The following INSL6 variants were observed in gnomAD, a reference collection of about 807,000 sequenced individuals.
INSL6 encodes insulin-like peptide INSL6.
A neutral mutation model predicts 9.4 loss-of-function variants in INSL6; 16 were observed. The ratio of observed to expected loss-of-function variants is 1.70; its 90% confidence interval spans 1.15 to 2.59. The LOEUF is 2.59. Ranked by LOEUF, INSL6 falls within the 30% of genes most tolerant of loss-of-function variation. The probability of loss-of-function intolerance (pLI) is 0.00; values close to 1 mark genes in which losing one functional copy is unlikely to be tolerated. For missense variants in INSL6, 391 were observed against 257.3 expected (o/e 1.52, Z -3.56); for synonymous variants, 154 against 96.9 (o/e 1.59, Z -3.46).
the INSL6 span, chr9:5,070,142 T>C: frequency 1.2e-6 from 1 of 861,876 alleles, no homozygotes; most frequent in Non-Finnish European, 1.7e-6. Flanking sequence ...ATTGGAATTA[T>C]TTTGTTATAT....
chr9:5,049,295 A>C, the INSL6 span, among the ~76,000 whole-genome samples: 1 of 152,234 alleles, frequency 6.6e-6, no homozygotes, highest in Admixed American at 6.5e-5. Flanking sequence ...AGGTCATTCA[A>C]GGGTACCTGC....
At chr9:5,150,751 G>T (rs1824694654) in intron 2 of INSL6, among the ~76,000 whole-genome samples, 1 of 151,840 alleles carries the variant, frequency 6.6e-6, no homozygotes, top group Non-Finnish European at 1.5e-5. Flanking sequence ...ATAGCAAAAA[G>T]ATACCTGTAT....
At chr9:5,115,533 C>T in the INSL6 span, among the ~76,000 whole-genome samples, 1 of 152,142 alleles carries the variant, frequency 6.6e-6, no homozygotes, top group Non-Finnish European at 1.5e-5. Context: ...GTTAGAAATA[C>T]CATTTCACTG....
downstream of INSL6, chr9:5,163,839 G>T: frequency 1.0e-6 from 1 of 955,826 alleles, no homozygotes. Context: ...TCACTTATAT[G>T]CACAATTACA....
At chr9:5,140,598 T>C (rs1431581571) in intron 2 of INSL6, among the ~76,000 whole-genome samples, 1 of 152,122 alleles carries the variant, frequency 6.6e-6, no homozygotes, top group Non-Finnish European at 1.5e-5. Flanking sequence ...ATTCTTTTGC[T>C]CAAAAGCTTT....
At chr9:5,039,205 AGAAG>A in the INSL6 span, among the ~76,000 whole-genome samples, 3 of 152,270 alleles carry the variant, frequency 2.0e-5, no homozygotes, top group East Asian at 3.9e-4. Flanking sequence ...TTGGAAAATA[AGAAG>A]TAAAATTGTA....
the INSL6 span, among the ~76,000 whole-genome samples, chr9:5,068,655 G>GCA: frequency 6.6e-6 from 1 of 152,198 alleles, no homozygotes. Context: ...GTTGGCAGTG[G>GCA]CAGGAGCTGA....
At chr9:5,164,315 G>A (rs758023430) in intron 1 of INSL6, 50 bp from the exon 2 acceptor site, 3 of 1,217,080 alleles carry the variant, frequency 2.5e-6, no homozygotes, top group Non-Finnish European at 3.5e-6. Flanking sequence ...TCTTCCTTTA[G>A]ATGAAAATTT....
the INSL6 span, among the ~76,000 whole-genome samples, chr9:5,079,498 G>GT: frequency 0.018 from 2,557 of 145,788 alleles, 26 homozygotes; most frequent in African/African-American, 0.037. Context: ...TGGTCCTTGG[G>GT]TTTTTTTTTT....
intron 2 of INSL6, among the ~76,000 whole-genome samples, chr9:5,145,213 C>G (rs1824577705): frequency 6.6e-6 from 1 of 152,142 alleles, no homozygotes; most frequent in South Asian, 2.1e-4. Flanking sequence ...ATTTCTCGTT[C>G]ACTTATGAAG....
At chr9:5,041,648 C>T in the INSL6 span, 16 of 505,068 alleles carry the variant, frequency 3.2e-5, no homozygotes, top group South Asian at 9.2e-5. Context: ...AGCTCGACTA[C>T]GACTACCTGC....
chr9:5,121,845 G>T (rs532525636), downstream of INSL6, among the ~76,000 whole-genome samples: 12 of 152,208 alleles, frequency 7.9e-5, 1 homozygote, highest in African/African-American at 2.9e-4. Flanking sequence ...GAAATGTGCG[G>T]GAAATTACAA....
downstream of INSL6, among the ~76,000 whole-genome samples, chr9:5,121,815 G>C (rs527766030): frequency 6.6e-6 from 1 of 152,162 alleles, no homozygotes; most frequent in South Asian, 2.1e-4. Flanking sequence ...TGATAGAACA[G>C]ACAGAAAAAA....
At chr9:5,168,073 G>A (rs536697917) in intron 1 of INSL6, among the ~76,000 whole-genome samples, 3 of 152,200 alleles carry the variant, frequency 2.0e-5, no homozygotes, top group Non-Finnish European at 4.4e-5. Context: ...CCATCCAAAG[G>A]TCATTGGCCT....
the INSL6 span, among the ~76,000 whole-genome samples, chr9:5,037,168 C>T: frequency 6.6e-6 from 1 of 152,146 alleles, no homozygotes; most frequent in Non-Finnish European, 1.5e-5. Context: ...TACCATCTCA[C>T]ACCAGTTAGA....
intron 1 of INSL6, 141 bp from the exon 2 acceptor site, chr9:5,164,406 C>T (rs1312573740): frequency 4.8e-6 from 3 of 621,490 alleles, no homozygotes; most frequent in African/African-American, 3.7e-5. Context: ...TATGGTTATT[C>T]AAAAGCAATA....
intron 2 of INSL6, among the ~76,000 whole-genome samples, chr9:5,135,745 T>A (rs999912363): frequency 2.6e-5 from 4 of 151,886 alleles, no homozygotes; most frequent in African/African-American, 9.7e-5. Context: ...ATTTAAAAGC[T>A]AGCAGAAGAT....
the INSL6 span, among the ~76,000 whole-genome samples, chr9:5,072,318 A>G: frequency 6.6e-6 from 1 of 152,204 alleles, no homozygotes; most frequent in Non-Finnish European, 1.5e-5. Flanking sequence ...TCTTATTACT[A>G]TTTAAGGAAG....
chr9:5,052,577 C>G, the INSL6 span, among the ~76,000 whole-genome samples: 1 of 151,962 alleles, frequency 6.6e-6, no homozygotes, highest in Non-Finnish European at 1.5e-5. Context: ...ATAAAGATGA[C>G]CAGAATCTAA....
Sources: allele counts gnomAD v4.1 joint callset (sites outside exome capture counted in the v4.1 genomes callset), GRCh38; gene constraint gnomAD v4.1.1; transcripts MANE v1.5; gene names NCBI Gene and HGNC (gene_info 2026-07-23, HGNC 2026-07-21).